Variants in CFAP61 observed in about 807,000 individuals in gnomAD.
CFAP61 encodes cilia and flagella associated protein 61.
Under a neutral mutation model 135.6 loss-of-function variants are expected in CFAP61, and 107 were observed. The ratio of observed to expected loss-of-function variants is 0.79; its 90% CI spans 0.67 to 0.93. The LOEUF is 0.93. CFAP61 is among the 40% of genes least tolerant of loss of function. The pLI is 0.00. For missense variants in CFAP61, 1,507 were observed against 1,556.2 expected, an observed-to-expected ratio of 0.97 and a Z score of 0.53; for synonymous variants, 575 against 578.5, an observed-to-expected ratio of 0.99 and a Z score of 0.09.
At chr20:20,200,702 A>G (rs1483118417) in intron 17 of CFAP61, 1 of 985,196 alleles carries the variant, frequency 1.0e-6, no homozygotes, top group Non-Finnish European at 1.2e-6. Flanking sequence ...AGGAAAGTGT[A>G]AGTTTAAACT....
intron 8 of CFAP61, among the ~76,000 whole-genome samples, chr20:20,108,471 T>G (rs1555863990): frequency 6.6e-6 from 1 of 152,122 alleles, no homozygotes; most frequent in Non-Finnish European, 1.5e-5. Flanking sequence ...CAGAAGCCTT[T>G]AAGAAGAAGG....
chr20:20,146,519 G>A (rs1320521496), intron 9 of CFAP61, among the ~76,000 whole-genome samples: 1 of 152,140 alleles, frequency 6.6e-6, no homozygotes, highest in African/African-American at 2.4e-5. Flanking sequence ...AATACTCTAT[G>A]ATTTTTAGGC....
intron 13 of CFAP61, among the ~76,000 whole-genome samples, chr20:20,182,089 T>G (rs1423366258): frequency 6.6e-6 from 1 of 152,222 alleles, no homozygotes; most frequent in African/African-American, 2.4e-5. Context: ...GGATATTTAT[T>G]TAGCAGATTT....
chr20:20,140,468 G>A (rs2051299655), intron 8 of CFAP61, among the ~76,000 whole-genome samples: 1 of 150,898 alleles, frequency 6.6e-6, no homozygotes, highest in South Asian at 2.1e-4. Flanking sequence ...CCTTGCGATA[G>A]TTTACTGAGA....
At chr20:20,105,300 G>C (rs544477142) in intron 8 of CFAP61, among the ~76,000 whole-genome samples, 9 of 152,180 alleles carry the variant, frequency 5.9e-5, no homozygotes, top group Non-Finnish European at 1.3e-4. Context: ...ACAGGCTTCT[G>C]TGCCCTGGTC....
At chr20:20,113,430 C>G (rs1034113712) in intron 8 of CFAP61, among the ~76,000 whole-genome samples, 5 of 152,110 alleles carry the variant, frequency 3.3e-5, no homozygotes, top group Admixed American at 6.5e-5. Flanking sequence ...ATATGTTTAG[C>G]TTTGAATTAC....
intron 23 of CFAP61, 93 bp downstream of exon 23, chr20:20,289,029 G>C (rs2054806269): frequency 1.2e-5 from 12 of 964,254 alleles, no homozygotes; most frequent in Non-Finnish European, 1.8e-5. Flanking sequence ...TTAGGCTTGG[G>C]GAAAAGGCTC....
chr20:20,296,270 C>A (rs1206461281), intron 24 of CFAP61, among the ~76,000 whole-genome samples: 1 of 56,726 alleles, frequency 1.8e-5, no homozygotes, highest in Non-Finnish European at 3.7e-5. Flanking sequence ...CTTCACCCCT[C>A]CCCCTTCCCT....
chr20:20,199,630 T>G, intron 16 of CFAP61, 138 bp from the exon 17 acceptor site: 2 of 824,932 alleles, frequency 2.4e-6, no homozygotes, highest in East Asian at 2.5e-5. Context: ...AAGAGTATGT[T>G]TGTTTATTTG....
intron 17 of CFAP61, among the ~76,000 whole-genome samples, chr20:20,200,424 G>A (rs890784545): frequency 6.6e-6 from 1 of 152,174 alleles, no homozygotes; most frequent in Non-Finnish European, 1.5e-5. Flanking sequence ...GGGGCAGCAG[G>A]AGTTTCTGAC....
intron 24 of CFAP61, among the ~76,000 whole-genome samples, chr20:20,290,929 G>A (rs1404789996): frequency 6.6e-6 from 1 of 152,158 alleles, no homozygotes; most frequent in Non-Finnish European, 1.5e-5. Flanking sequence ...GCCATTTTCA[G>A]CTTCTGACTC....
intron 21 of CFAP61, among the ~76,000 whole-genome samples, chr20:20,272,862 G>A (rs950284923): frequency 8.6e-5 from 13 of 151,788 alleles, no homozygotes; most frequent in Admixed American, 2.6e-4. Flanking sequence ...TGACTTAACC[G>A]TTGCAAAATG....
At chr20:20,155,689 C>G (rs1011458258) in intron 9 of CFAP61, among the ~76,000 whole-genome samples, 9 of 152,130 alleles carry the variant, frequency 5.9e-5, no homozygotes, top group African/African-American at 1.9e-4. Flanking sequence ...CACTAATTAT[C>G]AGGGAAATGA....
intron 25 of CFAP61, among the ~76,000 whole-genome samples, chr20:20,318,495 A>G (rs1313093192): frequency 6.6e-6 from 1 of 152,200 alleles, no homozygotes; most frequent in Non-Finnish European, 1.5e-5. Flanking sequence ...TGTCTCCCAC[A>G]GCTAAACCGA....
At chr20:20,152,339 C>T (rs2146777712) in intron 9 of CFAP61, among the ~76,000 whole-genome samples, 1 of 151,446 alleles carries the variant, frequency 6.6e-6, no homozygotes, top group South Asian at 2.1e-4. Context: ...CAGGCAACAA[C>T]TAGCATGTTG....
intron 15 of CFAP61, among the ~76,000 whole-genome samples, chr20:20,193,087 T>C (rs1336081400): frequency 1.3e-5 from 2 of 152,164 alleles, no homozygotes; most frequent in Admixed American, 6.5e-5. Context: ...GTGGTCATCT[T>C]AGGATTCTTT....
intron 24 of CFAP61, among the ~76,000 whole-genome samples, chr20:20,296,315 C>CTT (rs2055544605): frequency 1.4e-4 from 7 of 49,112 alleles, no homozygotes; most frequent in African/African-American, 5.6e-4. Flanking sequence ...TCCTTCCTTC[C>CTT]CTCCTTCCTT....
chr20:20,297,221 G>T (rs1187184154), intron 24 of CFAP61, among the ~76,000 whole-genome samples: 2 of 152,160 alleles, frequency 1.3e-5, no homozygotes, highest in East Asian at 3.8e-4. Context: ...CTTTTGTTTA[G>T]ACAAAATCCC....
At position 20,072,091 on chromosome 20, in the gene CFAP61, C is replaced by CTTTTTTTT. The variant is rs71198039; in HGVS notation, c.294+1121_294+1128dup. On this transcript the variant is annotated intron_variant, in intron 3 of 26. Coordinates refer to ENST00000245957, the MANE Select transcript of CFAP61 (RefSeq NM_015585.4). ...CCTATTTGGTATCTAATCTAGCAATCTTTTTTTTTTTTTTTTTTTTTTTTT... is the reference window on the plus strand; with the variant it reads ...CCTATTTGGTATCTAATCTAGCAATCTTTTTTTTTTTTTTTTTTTTTTTTTTTTTTTTT... Among the ~76,000 whole-genome samples, 18 of 57,632 alleles carry CTTTTTTTT rather than the reference C, an allele frequency of 3.1e-4. 2 individuals are homozygous for CTTTTTTTT. Among genetic ancestry groups the CTTTTTTTT allele is most frequent in the Non-Finnish European group, 3.8e-4 (11 of 28,740 alleles). The allele number at this position is 57,632 out of a possible 152,430, so 37.8% of individuals were successfully genotyped here.
Sources: allele counts gnomAD v4.1 joint callset (sites outside exome capture counted in the v4.1 genomes callset), GRCh38; gene constraint gnomAD v4.1.1; transcripts MANE v1.5; gene names NCBI Gene and HGNC (gene_info 2026-07-23, HGNC 2026-07-21).